MACF1: variants seen among roughly 807,000 people sequenced by gnomAD.
MACF1 encodes the protein microtubule-actin cross-linking factor 1.
A neutral mutation model predicts 854.8 loss-of-function variants in MACF1; 193 were observed. The ratio of observed to expected loss-of-function variants is 0.23; its 90% CI spans 0.20 to 0.25. MACF1 has a LOEUF of 0.25. Ranked by LOEUF, MACF1 falls within the 10% of genes least tolerant of loss-of-function variation. The pLI is 1.00. For synonymous variants in MACF1, 3,185 were observed against 3,226.7 expected (o/e 0.99, Z 0.44); for missense variants, 7,722 against 8,929.1 (o/e 0.86, Z 5.45).
intron 33 of MACF1, 87 bp downstream of exon 33, chr1:39,323,095 C>G: frequency 1.6e-6 from 2 of 1,261,646 alleles, no homozygotes; most frequent in South Asian, 1.2e-5. Context: ...GTCTCTGGTA[C>G]CCAGGTGGCT....
chr1:39,316,851 C>G (rs924619558), intron 28 of MACF1, among the ~76,000 whole-genome samples: 1 of 152,022 alleles, frequency 6.6e-6, no homozygotes, highest in Non-Finnish European at 1.5e-5. Context: ...TTGATTCTCA[C>G]AAGCCACTCT....
intron 58 of MACF1, among the ~76,000 whole-genome samples, chr1:39,416,260 C>T (rs370953781): frequency 3.3e-5 from 5 of 151,620 alleles, no homozygotes; most frequent in East Asian, 1.9e-4. Flanking sequence ...TTCATTTTTC[C>T]GAGTTTTATT....
chr1:39,454,266 C>T (rs897271523), intron 88 of MACF1, among the ~76,000 whole-genome samples: 4 of 152,180 alleles, frequency 2.6e-5, no homozygotes, highest in Admixed American at 2.0e-4. Context: ...TCACGGGAAG[C>T]GAAGCCCATG....
intron 21 of MACF1, 112 bp from the exon 22 acceptor site, chr1:39,300,097 CT>C: frequency 9.2e-7 from 1 of 1,089,790 alleles, no homozygotes; most frequent in Non-Finnish European, 1.3e-6. Flanking sequence ...ACCATCCCTA[CT>C]TAACTGAGAG....
chr1:39,298,757 G>T (rs1336036573), intron 21 of MACF1: 1 of 381,124 alleles, frequency 2.6e-6, no homozygotes, highest in Admixed American at 3.5e-5. Context: ...TGACTTTTCA[G>T]ATGTTGTCTC....
At position 39,105,341 on chromosome 1, in the gene MACF1, G is replaced by C; in HGVS notation, c.220+20903G>C. The C allele has an allele frequency of 1.1e-6, 1 of 935,010 alleles. No homozygotes were observed. Among genetic ancestry groups the C allele is most frequent in the Non-Finnish European group, 1.3e-6 (1 of 784,592 alleles). The allele number at this position is 935,010 out of a possible 1,614,324, so 57.9% of individuals were successfully genotyped here. On this transcript the variant is annotated intron_variant, in intron 2 of 93. Coordinates refer to the MACF1 transcript ENST00000361689. This position sits in a 1 kb window ranked among gnomAD's most constrained non-coding sequence, Gnocchi z 5.9. Reference sequence around the variant, plus strand: ...GGAGGAGCCGCCGCCGCCGCCCGCCGCTGCAGCCGCGCCGGGGCGGGCTGA... The same window carrying C: ...GGAGGAGCCGCCGCCGCCGCCCGCCCCTGCAGCCGCGCCGGGGCGGGCTGA...
chr1:39,351,581 C>CTTTTTT (rs36123797), intron 43 of MACF1, among the ~76,000 whole-genome samples: 10 of 85,914 alleles, frequency 1.2e-4, no homozygotes, highest in East Asian at 8.1e-4. Flanking sequence ...AAGCAAATGG[C>CTTTTTT]TTTTTTTTTT....
At chr1:39,183,996 AG>A (rs1644136151) in intron 2 of MACF1, among the ~76,000 whole-genome samples, 1 of 152,236 alleles carries the variant, frequency 6.6e-6, no homozygotes, top group Admixed American at 6.5e-5. Context: ...TCACAGGAGC[AG>A]GTGGAGACAG....
upstream of MACF1, among the ~76,000 whole-genome samples, chr1:39,201,320 C>G (rs567243433): frequency 6.6e-6 from 1 of 152,220 alleles, no homozygotes; most frequent in South Asian, 2.1e-4. Context: ...TGTACCCACT[C>G]TTATCTCTCA....
Position 39,283,073 on chromosome 1 carries a change from T to C in MACF1, c.696-116T>C. On this transcript the variant is annotated intron_variant, in intron 7 of 100. Coordinates refer to ENST00000564288, the MANE Select transcript of MACF1 (RefSeq NM_001394062.1). This position sits in a 1 kb window ranked among gnomAD's most constrained non-coding sequence, Gnocchi z 4.5. Reference sequence around the variant, plus strand: ...GTACTCTTCTAAACCTCCTGCTTTTTCTCTAACTCACTTAGTGTTTTTCAG... The same window carrying C: ...GTACTCTTCTAAACCTCCTGCTTTTCCTCTAACTCACTTAGTGTTTTTCAG... 1 of 663,154 alleles carries C rather than the reference T, an allele frequency of 1.5e-6. No individual in the cohort carries two copies. 41.1% of individuals were successfully genotyped at this position (663,154 alleles called of 1,614,324 possible). A position where few individuals can be genotyped will look rare whatever the true frequency, so the allele number is the denominator to read the frequency against.
chr1:39,109,293 G>T (rs141136534), intron 2 of MACF1, among the ~76,000 whole-genome samples: 1 of 152,228 alleles, frequency 6.6e-6, no homozygotes, highest in African/African-American at 2.4e-5. Context: ...ATTTTGAGGT[G>T]GAATCTTGCT....
chr1:39,245,355 T>C (rs1644971093), intron 2 of MACF1, among the ~76,000 whole-genome samples: 1 of 152,174 alleles, frequency 6.6e-6, no homozygotes, highest in South Asian at 2.1e-4. Flanking sequence ...AGTGGTGCGA[T>C]CTTGGCTCAC....
At position 39,385,784 on chromosome 1, in the gene MACF1, G is replaced by T; in HGVS notation, c.14199G>T (p.Leu4733Phe). 6.2e-7 allele frequency: 1 copy of T among 1,614,120 alleles called. No individual in the cohort carries two copies. The highest frequency in any genetic ancestry group is 1.1e-5 in the South Asian group (1 of 91,084). The part of the protein sequence containing the change: ...LEETSEIRSD[L>F]EQLDHEVKEA... ...AGACCAGTGAAATTCGATCTGACTT[G>T]GAGCAGTTAGACCACGAGGTTAAGG... Residue 4733 changes from leucine to phenylalanine, a missense_variant, in exon 57 of 101, where the codon TTG becomes TTT. Around this residue, in one of 15 missense-constraint regions of MACF1, gnomAD observed 2,807 missense variants for 3,235.8 expected, o/e 0.87. Coordinates refer to ENST00000564288, the MANE Select transcript of MACF1 (RefSeq NM_001394062.1).
In MACF1 at chr1:39,216,675, C is replaced by T. The variant is rs1027806296; in HGVS notation, c.109+11544C>T. 8.8e-4 allele frequency among the ~76,000 whole-genome samples: 74 copies of T among 84,540 alleles called. 2 individuals carry two copies. Among genetic ancestry groups the T allele is most frequent in the Non-Finnish European group, 4.4e-4 (15 of 33,976 alleles). 55.5% of individuals were successfully genotyped at this position (84,540 alleles called of 152,430 possible). On this transcript the variant is annotated intron_variant, in intron 1 of 100. Coordinates refer to ENST00000564288, the MANE Select transcript of MACF1 (RefSeq NM_001394062.1). Reference sequence around the variant, plus strand: ...GCACAGAGGGGGCAATTTTAGTGGTCTACTTTTTTTTTTTATCTTTCCTGT... The same window carrying T: ...GCACAGAGGGGGCAATTTTAGTGGTTTACTTTTTTTTTTTATCTTTCCTGT...
At chr1:39,197,573 T>C (rs1245210227) in intron 2 of MACF1, among the ~76,000 whole-genome samples, 2 of 152,114 alleles carry the variant, frequency 1.3e-5, no homozygotes, top group Admixed American at 6.6e-5. Flanking sequence ...AACGAAAATA[T>C]GGTGAAGGTA....
At chr1:39,300,533 TCAA>T (rs1336011450) in intron 22 of MACF1, among the ~76,000 whole-genome samples, 171 bp downstream of exon 22, 1 of 152,006 alleles carries the variant, frequency 6.6e-6, no homozygotes, top group East Asian at 1.9e-4. Context: ...ACTAAAAACT[TCAA>T]CACTATAATC....
chr1:39,135,994 G>A (rs1643157786), intron 2 of MACF1, among the ~76,000 whole-genome samples: 2 of 152,064 alleles, frequency 1.3e-5, no homozygotes. Flanking sequence ...GGCTTTCCAG[G>A]GCAGTATTTT....
At chr1:39,369,926 C>A in intron 50 of MACF1, 104 bp from the exon 51 acceptor site, 1 of 1,019,586 alleles carries the variant, frequency 9.8e-7, no homozygotes, top group South Asian at 1.6e-5. Context: ...AAAGAAAGGC[C>A]ATGTTAGGTA....
intron 99 of MACF1, among the ~76,000 whole-genome samples, chr1:39,483,294 C>T (rs1177067048): frequency 6.6e-6 from 1 of 152,036 alleles, no homozygotes; most frequent in African/African-American, 2.4e-5. Flanking sequence ...TATTGAGTTC[C>T]TCTTCTGTGC....
Sources: allele counts gnomAD v4.1 joint callset (sites outside exome capture counted in the v4.1 genomes callset), GRCh38; gene constraint gnomAD v4.1.1; regional missense constraint gnomAD v4.1.1; non-coding constraint Gnocchi (gnomAD v3.1); transcripts MANE v1.5; gene names NCBI Gene and HGNC (gene_info 2026-07-23, HGNC 2026-07-21).